Variants in FOXP2 observed in about 807,000 individuals in gnomAD.
FOXP2 encodes forkhead box protein P2.
In FOXP2, 12 loss-of-function variants were observed where a neutral mutation model predicts 115.8. That is an observed-to-expected ratio of 0.10 (90% CI 0.07 to 0.17). The LOEUF is 0.17. FOXP2 is among the 10% of genes least tolerant of loss of function. The pLI, the probability that FOXP2 is intolerant of heterozygous loss-of-function variation, is 1.00. For missense variants in FOXP2, 629 were observed against 843.5 expected (o/e 0.75, Z 3.15); for synonymous variants, 328 against 297.7 (o/e 1.10, Z -1.05).
intron 2 of FOXP2, among the ~76,000 whole-genome samples, chr7:114,471,393 A>G (rs1178761221): frequency 6.6e-6 from 1 of 152,116 alleles, no homozygotes; most frequent in Non-Finnish European, 1.5e-5. Context: ...CCACCATAAC[A>G]TGACACTTTG....
At chr7:114,185,268 G>A (rs958649022) in intron 1 of FOXP2, among the ~76,000 whole-genome samples, 1 of 151,844 alleles carries the variant, frequency 6.6e-6, no homozygotes, top group Non-Finnish European at 1.5e-5. Flanking sequence ...TTATACTTTG[G>A]GTTTCAATTA....
At chr7:114,096,735 C>G (rs1391598221) in intron 1 of FOXP2, among the ~76,000 whole-genome samples, 1 of 152,098 alleles carries the variant, frequency 6.6e-6, no homozygotes, top group Non-Finnish European at 1.5e-5. Context: ...ACTCATTTTT[C>G]TGGCGATGTA....
At chr7:114,560,288 A>G (rs1800699487) in intron 3 of FOXP2, among the ~76,000 whole-genome samples, 1 of 152,130 alleles carries the variant, frequency 6.6e-6, no homozygotes, top group Non-Finnish European at 1.5e-5. Flanking sequence ...CTGATATTTT[A>G]GGGATGGAAG....
At position 114,249,378 on chromosome 7, in the gene FOXP2, C is replaced by A. The variant is rs766771335; in HGVS notation, c.-101-38641C>A. Among the ~76,000 whole-genome samples the A allele has an allele frequency of 4.6e-5, 7 of 152,176 alleles. No homozygotes were observed. In the East Asian group the frequency reaches 1.2e-3, roughly 25 times the overall value. On this transcript the variant is annotated intron_variant, in intron 1 of 17. Transcript: ENST00000634411. ...TGCTCTCCTTCCCCCCCGTTCCCCC[C>A]AGTAGGCCCCAATGTGTGTTGTTCC...
chr7:114,206,665 G>A (rs1242307381), intron 1 of FOXP2, among the ~76,000 whole-genome samples: 1 of 152,014 alleles, frequency 6.6e-6, no homozygotes, highest in Non-Finnish European at 1.5e-5. Context: ...TGGAATGAAA[G>A]CTCCATGAGT....
At chr7:114,391,048 G>T (rs538393295) in intron 2 of FOXP2, among the ~76,000 whole-genome samples, 1 of 152,068 alleles carries the variant, frequency 6.6e-6, no homozygotes, top group East Asian at 1.9e-4. Context: ...TTAGCTGGGC[G>T]TGGTGGCAGG....
chr7:114,479,555 A>C (rs929651691), intron 2 of FOXP2, among the ~76,000 whole-genome samples: 4 of 150,694 alleles, frequency 2.7e-5, no homozygotes, highest in Non-Finnish European at 4.4e-5. Flanking sequence ...AAAAAAAAAA[A>C]CTCAGCTCTG....
chr7:114,628,234 ACAC>A (rs554752672), intron 3 of FOXP2, among the ~76,000 whole-genome samples: 1 of 152,262 alleles, frequency 6.6e-6, no homozygotes, highest in African/African-American at 2.4e-5. Flanking sequence ...AATATTGAGA[ACAC>A]CACCATGTGG....
chr7:114,460,419 T>A (rs1292659021), intron 2 of FOXP2, among the ~76,000 whole-genome samples: 1 of 152,262 alleles, frequency 6.6e-6, no homozygotes, highest in Non-Finnish European at 1.5e-5. Context: ...TTCTGTGTTT[T>A]AAAGTAAATG....
At chr7:114,554,563 A>G (rs1800367142) in intron 3 of FOXP2, among the ~76,000 whole-genome samples, 1 of 152,122 alleles carries the variant, frequency 6.6e-6, no homozygotes, top group Non-Finnish European at 1.5e-5. Context: ...TAGTATGTGT[A>G]TAATCATTAT....
intron 2 of FOXP2, among the ~76,000 whole-genome samples, chr7:114,522,116 A>C (rs1335823713): frequency 1.3e-5 from 2 of 152,238 alleles, no homozygotes; most frequent in African/African-American, 4.8e-5. Flanking sequence ...GTTAAGGGAA[A>C]TTGAATGTAT....
intron 15 of FOXP2, among the ~76,000 whole-genome samples, chr7:114,663,888 T>A (rs1739965468): frequency 6.6e-6 from 1 of 152,164 alleles, no homozygotes; most frequent in African/African-American, 2.4e-5. Context: ...AATTATAATA[T>A]ATAATTTTTA....
At chr7:114,620,751 A>C (rs985706285) in intron 3 of FOXP2, among the ~76,000 whole-genome samples, 6 of 152,084 alleles carry the variant, frequency 3.9e-5, no homozygotes, top group African/African-American at 1.4e-4. Flanking sequence ...TAGTTTTATA[A>C]TCTAACCTAA....
chr7:114,157,949 A>G (rs1215167153), intron 1 of FOXP2, among the ~76,000 whole-genome samples: 1 of 152,108 alleles, frequency 6.6e-6, no homozygotes, highest in African/African-American at 2.4e-5. Context: ...GACACTTAGT[A>G]TTCTTTGGTA....
At position 114,213,067 on chromosome 7, in the gene FOXP2, T is replaced by G. The variant is rs112614037; in HGVS notation, c.-102+49979T>G. On this transcript the variant is annotated intron_variant, in intron 1 of 17. Coordinates refer to the FOXP2 transcript ENST00000634411. ...TGTTACTAAACTGGATAGAATTTTT[T>G]TTAAAGGCAGTCAGGAATTTTAGAT... Among the ~76,000 whole-genome samples, 56 of 152,324 alleles carry G rather than the reference T, an allele frequency of 3.7e-4. 2 individuals are homozygous for G. Among genetic ancestry groups the G allele is most frequent in the African/African-American group, 1.3e-3 (54 of 41,582 alleles).
At chr7:114,191,341 C>T (rs1481965520) in intron 1 of FOXP2, among the ~76,000 whole-genome samples, 2 of 152,028 alleles carry the variant, frequency 1.3e-5, no homozygotes, top group Non-Finnish European at 2.9e-5. Context: ...TCTCTAATTA[C>T]AAAAAATCCC....
intron 2 of FOXP2, among the ~76,000 whole-genome samples, chr7:114,293,356 G>T (rs768858203): frequency 2.6e-5 from 4 of 151,868 alleles, no homozygotes; most frequent in Non-Finnish European, 5.9e-5. Context: ...ACTTGCTCTG[G>T]GGGAGGCTGG....
intron 8 of FOXP2, among the ~76,000 whole-genome samples, chr7:114,647,722 A>T (rs1471632372): frequency 6.6e-6 from 1 of 152,096 alleles, no homozygotes; most frequent in Non-Finnish European, 1.5e-5. Context: ...GAGTAATAAC[A>T]TCTGACAAAA....
intron 2 of FOXP2, among the ~76,000 whole-genome samples, chr7:114,385,306 A>C (rs1039967796): frequency 1.3e-5 from 2 of 152,194 alleles, no homozygotes; most frequent in Non-Finnish European, 2.9e-5. Flanking sequence ...GGAGGCAGGG[A>C]TCAGAGGAAG....
Sources: allele counts gnomAD v4.1 joint callset (sites outside exome capture counted in the v4.1 genomes callset), GRCh38; gene constraint gnomAD v4.1.1; transcripts MANE v1.5; gene names NCBI Gene and HGNC (gene_info 2026-07-23, HGNC 2026-07-21).